Variants in WNK1 observed in about 807,000 individuals in gnomAD.
WNK1 encodes the protein serine/threonine-protein kinase WNK1.
Under a neutral mutation model 222.8 loss-of-function variants are expected in WNK1, and 38 were observed. That is an observed-to-expected ratio of 0.17 (90% CI 0.13 to 0.22). WNK1 has a LOEUF of 0.22. Ranked by LOEUF, WNK1 falls within the 10% of genes least tolerant of loss-of-function variation. The pLI, the probability that WNK1 is intolerant of heterozygous loss-of-function variation, is 1.00. For missense variants in WNK1, 2,348 were observed against 2,918.4 expected, an observed-to-expected ratio of 0.80 and a Z score of 4.50; for synonymous variants, 1,090 against 1,092.9, an observed-to-expected ratio of 1.00 and a Z score of 0.05.
intron 2 of WNK1, among the ~76,000 whole-genome samples, chr12:815,999 A>G (rs1301091006): frequency 6.6e-6 from 1 of 152,274 alleles, no homozygotes; most frequent in Non-Finnish European, 1.5e-5. Flanking sequence ...CTGGGATTTT[A>G]GACCACATAT....
rs201636547 is a variant in WNK1 at position 908,762 on chromosome 12, C to T, written c.7119C>T (p.Asn2373=). ...GCAATTTGCAGAAATCCATCAGCAA[C>T]CCCCCAGGCTCCAACCTGCGGACCA... The part of the protein sequence containing the change: ...NISNLQKSIS[N]PPGSNLRTT Residue 2373 remains asparagine, a synonymous_variant, in exon 28 of 28, where the codon AAC becomes AAT. Transcript: ENST00000315939. 5.9e-5 allele frequency: 96 copies of T among 1,613,808 alleles called. 1 individual carries two copies. Among genetic ancestry groups the T allele is most frequent in the Middle Eastern group, 1.6e-4 (1 of 6,062 alleles).
Position 754,211 on chromosome 12 carries a change from A to G in WNK1, c.646A>G (p.Asn216Asp). 2.5e-6 allele frequency: 4 copies of G among 1,613,786 alleles called. No homozygotes were observed. The highest frequency in any genetic ancestry group is 2.5e-6 in the Non-Finnish European group (3 of 1,180,032). The change falls in exon 1 of 28, where the codon AAC becomes GAC. Residue 216 changes from asparagine (N) to aspartate (D), a missense_variant. Coordinates refer to ENST00000315939, the MANE Select transcript of WNK1 (RefSeq NM_018979.4). ...ELETKAVGMS[N>D]DGRFLKFDIE... ...GGAGACCAAGGCCGTGGGAATGTCT[A>G]ACGATGGCCGCTTTCTCAAGTTTGA...
chr12:904,481 C>A, intron 26 of WNK1: 1 of 1,289,138 alleles, frequency 7.8e-7, no homozygotes, highest in Non-Finnish European at 1.0e-6. Flanking sequence ...TCTGTCCTTG[C>A]AACCAGCTCT....
intron 1 of WNK1, among the ~76,000 whole-genome samples, chr12:755,456 TGTGAAATTAA>T (rs1939859908): frequency 6.6e-6 from 1 of 152,212 alleles, no homozygotes; most frequent in Admixed American, 6.5e-5. Context: ...CCATATCAAA[TGTGAAATTAA>T]CACAGCATGT....
chr12:782,966 C>T (rs183958963), intron 1 of WNK1, among the ~76,000 whole-genome samples: 175 of 151,596 alleles, frequency 1.2e-3, no homozygotes, highest in Non-Finnish European at 2.0e-3. Context: ...GAGTGGTGCA[C>T]GATTATGGCT....
chr12:771,564 A>G (rs947145160), intron 1 of WNK1, among the ~76,000 whole-genome samples: 5 of 152,066 alleles, frequency 3.3e-5, no homozygotes, highest in African/African-American at 1.2e-4. Flanking sequence ...CCTCCTGAGT[A>G]GCTGGGATTA....
intron 1 of WNK1, among the ~76,000 whole-genome samples, chr12:793,491 T>C (rs1945031117): frequency 6.6e-6 from 1 of 152,180 alleles, no homozygotes. Context: ...GAAATAATTA[T>C]TCCAAATGAA....
intron 4 of WNK1, among the ~76,000 whole-genome samples, chr12:846,508 G>A (rs1263017400): frequency 1.3e-5 from 2 of 152,180 alleles, no homozygotes; most frequent in Non-Finnish European, 1.5e-5. Flanking sequence ...GATAGAGCTA[G>A]CTTGATTTGG....
chr12:856,345 T>C (rs1217023852), intron 4 of WNK1, among the ~76,000 whole-genome samples: 1 of 151,426 alleles, frequency 6.6e-6, no homozygotes, highest in Non-Finnish European at 1.5e-5. Context: ...TCCCGGCTAC[T>C]CAGGAGGCTG....
intron 8 of WNK1, chr12:869,278 C>G: frequency 1.2e-6 from 1 of 860,604 alleles, no homozygotes; most frequent in South Asian, 1.8e-5. Context: ...CATTTAAAAA[C>G]AAAATGTGAG....
chr12:897,617 T>A lies in WNK1; in HGVS notation c.6384T>A (p.Thr2128=). ...APLSGRRRRP[T]KSKGSKSSRS... ...TTTCAGGGAGAAGACGACGACCCACTAAAAGCAAAGGCAGCAAATCTAGTC... is the reference window on the plus strand; with the variant it reads ...TTTCAGGGAGAAGACGACGACCCACAAAAAGCAAAGGCAGCAAATCTAGTC... The change falls in exon 25 of 28, where the codon ACT becomes ACA. Residue 2128 remains threonine (T), a synonymous_variant. Coordinates refer to ENST00000315939, the MANE Select transcript of WNK1 (RefSeq NM_018979.4). 1 of 1,614,160 alleles carries A rather than the reference T, an allele frequency of 6.2e-7. No homozygotes were observed. Among genetic ancestry groups the A allele is most frequent in the Non-Finnish European group, 8.5e-7 (1 of 1,180,020 alleles).
chr12:865,774 CACTAATAAA>C (rs1951615645), intron 8 of WNK1, among the ~76,000 whole-genome samples: 2 of 151,660 alleles, frequency 1.3e-5, no homozygotes, highest in South Asian at 4.1e-4. Context: ...TCTAAGGAGA[CACTAATAAA>C]ACTGGATGAG....
intron 8 of WNK1, chr12:865,498 T>C: frequency 1.6e-6 from 2 of 1,245,148 alleles, no homozygotes; most frequent in South Asian, 1.7e-5. Flanking sequence ...ATACCAGTTA[T>C]TCCTGTAGGA....
At chr12:852,344 T>C (rs866128690) in intron 4 of WNK1, among the ~76,000 whole-genome samples, 3 of 152,296 alleles carry the variant, frequency 2.0e-5, no homozygotes, top group South Asian at 2.1e-4. Context: ...CATTTAAAAT[T>C]GTGCAGAAGT....
At chr12:754,943 C>T (rs543791176) in intron 1 of WNK1, among the ~76,000 whole-genome samples, 3 of 152,334 alleles carry the variant, frequency 2.0e-5, no homozygotes, top group South Asian at 4.1e-4. Flanking sequence ...TCAGCCCATT[C>T]ACTATACAGC....
At chr12:769,543 TATGAC>T (rs766725770) in intron 1 of WNK1, among the ~76,000 whole-genome samples, 22 of 152,180 alleles carry the variant, frequency 1.4e-4, no homozygotes, top group Non-Finnish European at 3.1e-4. Flanking sequence ...ATCATTTTTT[TATGAC>T]ATCCTTACTT....
At position 885,345 on chromosome 12, in the gene WNK1, C is replaced by T. The variant is rs1250599983; in HGVS notation, c.4541C>T (p.Ser1514Phe). 4.3e-6 allele frequency: 7 copies of T among 1,614,020 alleles called. No individual in the cohort carries two copies. The highest frequency in any genetic ancestry group is 5.9e-6 in the Non-Finnish European group (7 of 1,179,974). The change falls in exon 19 of 28, where the codon TCT becomes TTT. Residue 1514 changes from serine (S) to phenylalanine (F), a missense_variant. Ser to Phe is a radical substitution (Grantham distance 155). Around this residue, in one of 13 missense-constraint regions of WNK1, gnomAD observed 1,144 missense variants for 1,273.6 expected, o/e 0.90. Coordinates refer to ENST00000315939, the MANE Select transcript of WNK1 (RefSeq NM_018979.4). The stretch of plus-strand genomic sequence containing the variant: ...TGCATTCAGCTTAGCAGCAGTACTT[C>T]TACTCCTACTTTAGCTGAAACCGTG... ...QLCIQLSSST[S>F]TPTLAETVVV...
At chr12:785,648 C>G (rs1464128414) in intron 1 of WNK1, among the ~76,000 whole-genome samples, 1 of 152,206 alleles carries the variant, frequency 6.6e-6, no homozygotes, top group Admixed American at 6.5e-5. Context: ...CCACCCGCCT[C>G]AGCCTCCCAA....
At chr12:776,412 T>TGTG (rs1555082817) in intron 1 of WNK1, among the ~76,000 whole-genome samples, 21 of 146,112 alleles carry the variant, frequency 1.4e-4, no homozygotes, top group Admixed American at 9.0e-4. Context: ...GTTTGTGTGT[T>TGTG]TGTGTGTGTG....
Sources: gnomAD v4.1 joint callset for allele counts (sites outside exome capture counted in the v4.1 genomes callset) on GRCh38, gnomAD v4.1.1 for gene constraint, gnomAD v4.1.1 regional missense constraint, MANE v1.5 for transcripts, NCBI Gene and HGNC (gene_info 2026-07-23, HGNC 2026-07-21) for gene names.